The following SEMA3E variants were observed in gnomAD, a reference collection of about 807,000 sequenced individuals.
The protein encoded by SEMA3E is semaphorin 3E.
Under a neutral mutation model 93.6 loss-of-function variants are expected in SEMA3E, and 49 were observed. That is an observed-to-expected ratio of 0.52 (90% CI 0.42 to 0.66). The LOEUF (loss-of-function observed/expected upper bound fraction) is 0.66. SEMA3E is among the 30% of genes least tolerant of loss of function. SEMA3E has a pLI of 0.00. For synonymous variants in SEMA3E, 363 were observed against 330.7 expected (o/e 1.10, Z -1.06); for missense variants, 906 against 964.8 (o/e 0.94, Z 0.81).
intron 2 of SEMA3E, among the ~76,000 whole-genome samples, chr7:83,489,001 G>T (rs1398982571): frequency 6.6e-6 from 1 of 151,980 alleles, no homozygotes; most frequent in Non-Finnish European, 1.5e-5. Context: ...GGAAACAAGG[G>T]CAGAAGAAAG....
At chr7:83,372,623 T>TA (rs560079736) in intron 16 of SEMA3E, 38 of 187,898 alleles carry the variant, frequency 2.0e-4, no homozygotes, top group Admixed American at 1.5e-3. Flanking sequence ...TTGGTCAAGA[T>TA]ACAAGATACG....
chr7:83,367,855 C>A lies in SEMA3E; in HGVS notation c.2059G>T (p.Glu687Ter). 6.2e-7 allele frequency: 1 copy of A among 1,613,100 alleles called. No homozygotes were observed. The highest frequency in any genetic ancestry group is 8.5e-7 in the Non-Finnish European group (1 of 1,179,266). The change falls in exon 17 of 17, where the codon GAG (glutamate) becomes TAG (stop). Residue 687 changes from glutamate (E) to a stop codon, truncating the protein, a stop_gained. Coordinates refer to ENST00000643230, the MANE Select transcript of SEMA3E (RefSeq NM_012431.3). LOFTEE classifies it high-confidence loss of function. The stretch of plus-strand genomic sequence containing the variant: ...GGCATCCTGTGATGCCTGTCCTCCT[C>A]ATCGTCCTTGTTAAACATATCCTCG... ...KVEDMFNKDD[E>*]EDRHHRMPCP...
At chr7:83,512,010 T>G (rs1790833953) in intron 1 of SEMA3E, among the ~76,000 whole-genome samples, 1 of 152,188 alleles carries the variant, frequency 6.6e-6, no homozygotes, top group African/African-American at 2.4e-5. Flanking sequence ...TGTCTGTTAT[T>G]TCGGTACAAG....
At chr7:83,614,258 G>A (rs187398195) in intron 1 of SEMA3E, among the ~76,000 whole-genome samples, 3 of 152,088 alleles carry the variant, frequency 2.0e-5, no homozygotes, top group East Asian at 3.9e-4. Flanking sequence ...AATTCAGGAC[G>A]TAAACAGCCA....
intron 1 of SEMA3E, among the ~76,000 whole-genome samples, chr7:83,618,450 T>C (rs1465061653): frequency 1.3e-5 from 2 of 151,996 alleles, no homozygotes; most frequent in African/African-American, 4.8e-5. Flanking sequence ...GTAAAGCTTA[T>C]AAGAGTTTGT....
intron 2 of SEMA3E, among the ~76,000 whole-genome samples, chr7:83,471,166 A>G (rs1789886229): frequency 6.6e-6 from 1 of 152,140 alleles, no homozygotes; most frequent in Non-Finnish European, 1.5e-5. Context: ...CTGAGTATTA[A>G]CAGTTGCTGA....
intron 1 of SEMA3E, among the ~76,000 whole-genome samples, chr7:83,517,605 C>T (rs1790957324): frequency 6.6e-6 from 1 of 151,872 alleles, no homozygotes; most frequent in South Asian, 2.1e-4. Flanking sequence ...ATTCCTTTAC[C>T]TTTATTATGT....
chr7:83,619,904 C>CAGACAGACAGACAGATAGATAGATAGAT (rs71522672), intron 1 of SEMA3E, among the ~76,000 whole-genome samples: 3 of 148,040 alleles, frequency 2.0e-5, no homozygotes, highest in Admixed American at 1.3e-4. Flanking sequence ...GATAGATAGA[C>CAGACAGACAGACAGATAGATAGATAGAT]AGATAGATAG....
chr7:83,395,389 T>C (rs1430777127), intron 12 of SEMA3E, among the ~76,000 whole-genome samples: 1 of 152,186 alleles, frequency 6.6e-6, no homozygotes, highest in East Asian at 1.9e-4. Flanking sequence ...CTACCCATCA[T>C]AAACATATAG....
chr7:83,543,439 T>A (rs1791580301), intron 1 of SEMA3E, among the ~76,000 whole-genome samples: 1 of 152,066 alleles, frequency 6.6e-6, no homozygotes, highest in Non-Finnish European at 1.5e-5. Flanking sequence ...CCAGAGAGAC[T>A]GCCTATGTGT....
intron 4 of SEMA3E, among the ~76,000 whole-genome samples, chr7:83,443,131 C>T (rs1419057902): frequency 6.6e-6 from 1 of 152,146 alleles, no homozygotes; most frequent in African/African-American, 2.4e-5. Flanking sequence ...AAGAGACGTC[C>T]AGTTACTGCC....
At position 83,530,408 on chromosome 7, in the gene SEMA3E, T is replaced by A. The variant is rs1791264872; in HGVS notation, c.116-40134A>T. On this transcript the variant is annotated intron_variant, in intron 1 of 16. Transcript: ENST00000643230. ...ATAAACAAATATCAGAAAAAACTTT[T>A]ATTAATGTTATCATAAAAAGTCTTC... is the stretch of plus-strand genomic sequence containing the variant. 1.3e-5 allele frequency among the ~76,000 whole-genome samples: 2 copies of A among 152,190 alleles called. 1 individual carries two copies. Among genetic ancestry groups the A allele is most frequent in the Admixed American group, 1.3e-4 (2 of 15,266 alleles).
chr7:83,648,722 T>C lies in SEMA3E; in HGVS notation c.-180A>G. 1 of 663,760 alleles carries C rather than the reference T, an allele frequency of 1.5e-6. No individual in the cohort carries two copies. The highest frequency in any genetic ancestry group is 2.7e-5 in the East Asian group (1 of 36,522). 41.1% of individuals were successfully genotyped at this position (663,760 alleles called of 1,614,324 possible). A position where few individuals can be genotyped will look rare whatever the true frequency, so the allele number is the denominator to read the frequency against. ...GCTGTATTTGGCTATGTAAAACCTT[T>C]CTTTCCTCGGGACAGTTGTTTATAA... On this transcript the variant is annotated 5_prime_UTR_variant, in exon 1 of 17. Coordinates refer to ENST00000643230, the MANE Select transcript of SEMA3E (RefSeq NM_012431.3).
chr7:83,399,918 T>C (rs1195181621), intron 11 of SEMA3E, 110 bp downstream of exon 11: 6 of 897,410 alleles, frequency 6.7e-6, no homozygotes, highest in Admixed American at 3.6e-5. Context: ...CAGTGTGAAA[T>C]TGTTTAACAG....
At chr7:83,453,087 G>A (rs1435825500) in intron 4 of SEMA3E, among the ~76,000 whole-genome samples, 2 of 152,014 alleles carry the variant, frequency 1.3e-5, no homozygotes, top group African/African-American at 2.4e-5. Context: ...GAATGCAGTG[G>A]CGCAATCTCG....
At position 83,566,051 on chromosome 7, in the gene SEMA3E, C is replaced by T. The variant is rs1792144816; in HGVS notation, c.116-75777G>A. On this transcript the variant is annotated intron_variant, in intron 1 of 16. Transcript: ENST00000643230. ...TCACTCTGTTGCCCAGGCTGGAGTG[C>T]AGTGGCACTATGTGGGCTCACTGCC... Among the ~76,000 whole-genome samples the T allele has an allele frequency of 7.4e-5, 3 of 40,398 alleles. No individual in the cohort carries two copies. In the South Asian group the frequency reaches 2.8e-3, roughly 37 times the overall value. The allele number at this position is 40,398 out of a possible 152,430, so 26.5% of individuals were successfully genotyped here.
At chr7:83,416,042 A>C (rs1223702790) in intron 5 of SEMA3E, among the ~76,000 whole-genome samples, 1 of 151,924 alleles carries the variant, frequency 6.6e-6, no homozygotes, top group African/African-American at 2.4e-5. Flanking sequence ...TGCTTTTTCA[A>C]TTGGGTGAAT....
Position 83,565,128 on chromosome 7 carries a change from G to A in SEMA3E, c.116-74854C>T, listed in dbSNP as rs215278. Among the ~76,000 whole-genome samples the A allele has an allele frequency of 4.1e-4, 62 of 151,928 alleles. No individual in the cohort carries two copies. The South Asian group carries it at 8.7e-3, about 21-fold the overall frequency. On this transcript the variant is annotated intron_variant, in intron 1 of 16. Coordinates refer to ENST00000643230, the MANE Select transcript of SEMA3E (RefSeq NM_012431.3). ...GGATAAATTCCTAGACACATACACC[G>A]TCCCAAGACTAAACCAAGAAGAAGT... is the stretch of plus-strand genomic sequence containing the variant.
chr7:83,552,791 T>C (rs10954728), intron 1 of SEMA3E, among the ~76,000 whole-genome samples: 79,649 of 151,792 alleles, frequency 0.52, 21,424 homozygotes, highest in Middle Eastern at 0.68. Context: ...GTGGTCAGAC[T>C]GGTTCTCTGC....
Sources: allele counts gnomAD v4.1 joint callset (sites outside exome capture counted in the v4.1 genomes callset), GRCh38; gene constraint gnomAD v4.1.1; transcripts MANE v1.5; gene names NCBI Gene and HGNC (gene_info 2026-07-23, HGNC 2026-07-21).